SQSTM1: variants seen among roughly 807,000 people sequenced by gnomAD.
SQSTM1 encodes the protein sequestosome-1.
SQSTM1 carries 36 observed loss-of-function variants against 45.1 expected under a neutral mutation model. The ratio of observed to expected loss-of-function variants is 0.80; its 90% confidence interval spans 0.61 to 1.05. The LOEUF is 1.05. Among genes scored for constraint, SQSTM1 ranks in the 50% least tolerant of loss-of-function variants. SQSTM1 has a pLI of 0.00. For missense variants in SQSTM1, 617 were observed against 607.1 expected (o/e 1.02, Z -0.17); for synonymous variants, 290 against 244.3 (o/e 1.19, Z -1.74).
rs142719499 is a variant in SQSTM1 at position 179,825,191 on chromosome 5, T to C, written c.719T>C (p.Val240Ala). Residue 240 changes from valine (V) to alanine (A), a missense_variant, in exon 5 of 8, where the codon GTT becomes GCT. By Grantham distance (64) the Val-to-Ala change is moderately conservative (BLOSUM62 0). Transcript: ENST00000389805. The part of the protein sequence containing the change: ...EDPSVNFLKN[V>A]GESVAAALSP... ...CCGAGTGTGAATTTCCTGAAGAACGTTGGGGAGAGTGTGGCAGCTGCCCTT... is the reference window on the plus strand; with the variant it reads ...CCGAGTGTGAATTTCCTGAAGAACGCTGGGGAGAGTGTGGCAGCTGCCCTT... 1.1e-5 allele frequency: 17 copies of C among 1,613,970 alleles called. No homozygotes were observed. Among genetic ancestry groups the C allele is most frequent in the African/African-American group, 5.3e-5 (4 of 74,932 alleles).
chr5:179,811,982 T>A (rs942893001), intron 2 of SQSTM1: 3 of 152,128 alleles, frequency 2.0e-5, no homozygotes, highest in Non-Finnish European at 2.9e-5. Context: ...TTTTTTGTAT[T>A]TTTAGTAGAG....
chr5:179,817,890 T>A (rs1212571764), upstream of SQSTM1, among the ~76,000 whole-genome samples: 1 of 151,964 alleles, frequency 6.6e-6, no homozygotes, highest in African/African-American at 2.4e-5. Flanking sequence ...GCACCTGTAG[T>A]CCCAGCTACT....
In SQSTM1 at chr5:179,837,603, C is replaced by T; in HGVS notation, c.*1010C>T. The stretch of plus-strand genomic sequence containing the variant: ...GCGGCAGTGGGCCTGCTGAGGCCTT[C>T]TCTTGAGGCCTGTGCTCTGGGGGTC... On this transcript the variant is annotated 3_prime_UTR_variant, in exon 8 of 8. Transcript: ENST00000389805. The T allele has an allele frequency of 1.9e-6, 3 of 1,614,050 alleles. No individual in the cohort carries two copies. The highest frequency in any genetic ancestry group is 2.2e-5 in the East Asian group (1 of 44,888).
In SQSTM1 at chr5:179,820,906, C is replaced by A. The variant is rs751278227; in HGVS notation, c.-31C>A. ...AGCCGCGCGGCGGCTGCGACCGGGACGGCCCGTTTTCCGCCAGCTCGCCGC... is the reference window on the plus strand; with the variant it reads ...AGCCGCGCGGCGGCTGCGACCGGGAAGGCCCGTTTTCCGCCAGCTCGCCGC... On this transcript the variant is annotated 5_prime_UTR_variant, in exon 1 of 8. Transcript: ENST00000389805. 36 of 1,484,510 alleles carry A rather than the reference C, an allele frequency of 2.4e-5. 1 individual carries two copies. In the Middle Eastern group the frequency reaches 9.7e-4, roughly 40 times the overall value. The allele number at this position is 1,484,510 out of a possible 1,614,324, so 92.0% of individuals were successfully genotyped here.
intron 7 of SQSTM1, chr5:179,835,750 G>A (rs1758519072): frequency 6.2e-6 from 1 of 161,052 alleles, no homozygotes; most frequent in Non-Finnish European, 1.4e-5. Context: ...ACTCATAAGT[G>A]AGAACATATG....
rs751367242 is a variant in SQSTM1 at position 179,824,103 on chromosome 5, G to C, written c.531+16G>C. 2.5e-6 allele frequency: 4 copies of C among 1,613,742 alleles called. No individual in the cohort carries two copies. In the East Asian group the frequency reaches 6.7e-5, roughly 27 times the overall value. On this transcript the variant is annotated intron_variant, in intron 3 of 7. Coordinates refer to ENST00000389805, the MANE Select transcript of SQSTM1 (RefSeq NM_003900.5). ...CCTGTCTGAGGTGAGCAGGCCCTCT[G>C]TGCAGGCCTGGGGTGGGCTCAGGGT...
Position 179,837,855 on chromosome 5 carries a change from G to A in SQSTM1, c.*1262G>A. 6.2e-7 allele frequency: 1 copy of A among 1,609,568 alleles called. No individual in the cohort carries two copies. The highest frequency in any genetic ancestry group is 1.1e-5 in the South Asian group (1 of 91,082). On this transcript the variant is annotated 3_prime_UTR_variant, in exon 8 of 8. Coordinates refer to ENST00000389805, the MANE Select transcript of SQSTM1 (RefSeq NM_003900.5). ...TCCTGGAGGCAGGGGCTGCTGCCTTGTTTCACCTTCCATGTCAGGCCAGCC... is the reference window on the plus strand; with the variant it reads ...TCCTGGAGGCAGGGGCTGCTGCCTTATTTCACCTTCCATGTCAGGCCAGCC...
Position 179,806,554 on chromosome 5 carries a change from C to T in SQSTM1, c.-194C>T. ...AGGCGCACAGGCAGAAGAGCAGCAG[C>T]GTCAGGAAGGTGCCATTGCGGAGCC... On this transcript the variant is annotated 5_prime_UTR_variant, in exon 1 of 6. Coordinates refer to the SQSTM1 transcript ENST00000514093. The surrounding 1 kb of genome is among the most constrained non-coding windows in gnomAD (Gnocchi z 4.6). 2 of 1,320,914 alleles carry T rather than the reference C, an allele frequency of 1.5e-6. No individual in the cohort carries two copies. Among genetic ancestry groups the T allele is most frequent in the South Asian group, 1.4e-5 (1 of 69,426 alleles). The allele number at this position is 1,320,914 out of a possible 1,614,324, so 81.8% of individuals were successfully genotyped here.
rs377443582 is a variant in SQSTM1 at position 179,828,427 on chromosome 5, G to A, written c.754+3201G>A. ...TTGCTCTTGTTGTCCAGGCTGGAGT[G>A]CAATGGTGTGATCTTGGCTCACTAC... is the stretch of plus-strand genomic sequence containing the variant. On this transcript the variant is annotated intron_variant, in intron 5 of 7. Transcript: ENST00000389805. Among the ~76,000 whole-genome samples the A allele has an allele frequency of 2.9e-5, 4 of 136,102 alleles. No individual in the cohort carries two copies. In the South Asian group the frequency reaches 6.8e-4, roughly 23 times the overall value. The allele number at this position is 136,102 out of a possible 152,430, so 89.3% of individuals were successfully genotyped here.
chr5:179,816,699 G>C (rs1036435933), upstream of SQSTM1, among the ~76,000 whole-genome samples: 1 of 152,168 alleles, frequency 6.6e-6, no homozygotes, highest in Non-Finnish European at 1.5e-5. Context: ...GCGCCACTGA[G>C]AGCCTCCCGT....
chr5:179,836,781 G>A lies in SQSTM1; in HGVS notation c.*188G>A. The A allele has an allele frequency of 1.1e-6, 1 of 879,066 alleles. No homozygotes were observed. The highest frequency in any genetic ancestry group is 2.6e-5 in the East Asian group (1 of 38,368). The allele number at this position is 879,066 out of a possible 1,614,324, so 54.5% of individuals were successfully genotyped here. On this transcript the variant is annotated 3_prime_UTR_variant, in exon 8 of 8. Transcript: ENST00000389805. ...AGGGAGGGTCCCTGTGTGTGTGTGT[G>A]CTGATGTTTCCTGGGTGCCCTGGCT...
At chr5:179,828,256 G>A (rs1371431974) in intron 5 of SQSTM1, among the ~76,000 whole-genome samples, 1 of 151,840 alleles carries the variant, frequency 6.6e-6, no homozygotes, top group African/African-American at 2.4e-5. Flanking sequence ...TAATTTCTCT[G>A]ATCTGCTTAC....
upstream of SQSTM1, among the ~76,000 whole-genome samples, chr5:179,814,279 G>T (rs1757516085): frequency 1.3e-5 from 2 of 152,234 alleles, no homozygotes; most frequent in African/African-American, 2.4e-5. Context: ...GGAATGGAGG[G>T]TCAGAGGGGT....
At chr5:179,814,161 C>T (rs183819037), upstream of SQSTM1, among the ~76,000 whole-genome samples, 2 of 152,320 alleles carry the variant, frequency 1.3e-5, no homozygotes, top group East Asian at 3.9e-4. Flanking sequence ...CTCCGTTTCT[C>T]TTGCTAATTT....
intron 7 of SQSTM1, chr5:179,835,887 C>T (rs1023767881): frequency 2.4e-5 from 5 of 208,674 alleles, no homozygotes; most frequent in Admixed American, 5.3e-5. Flanking sequence ...GTATATATAC[C>T]ACATTTTCTT....
At chr5:179,826,814 T>C (rs544435082) in intron 5 of SQSTM1, among the ~76,000 whole-genome samples, 2 of 151,206 alleles carry the variant, frequency 1.3e-5, no homozygotes, top group South Asian at 2.1e-4. Flanking sequence ...TTGGCCAGGC[T>C]GATCTCGACA....
rs114397195 is a variant in SQSTM1, at chr5:179,824,600, G to A, written c.673+277G>A. Among the ~76,000 whole-genome samples, 2,626 of 152,266 alleles carry A rather than the reference G, an allele frequency of 0.017. 95 individuals carry two copies. The highest frequency in any genetic ancestry group is 0.061 in the African/African-American group (2,531 of 41,530). ...CCCTCTCAAGGTACCCTGAGGTGCA[G>A]GCAGGGAGGCCCTTCCAGCCCAGGG... On this transcript the variant is annotated intron_variant, in intron 4 of 7. Coordinates refer to ENST00000389805, the MANE Select transcript of SQSTM1 (RefSeq NM_003900.5).
At position 179,833,021 on chromosome 5, in the gene SQSTM1, TCCG is replaced by T; in HGVS notation, c.755-8_755-6del. 3.1e-6 allele frequency: 5 copies of T among 1,614,036 alleles called. No homozygotes were observed. Among genetic ancestry groups the T allele is most frequent in the Non-Finnish European group, 4.2e-6 (5 of 1,179,950 alleles). On this transcript the variant is annotated splice_polypyrimidine_tract_variant and splice_region_variant and intron_variant, in intron 5 of 7. Transcript: ENST00000389805. ...AACTTCACGGCTTGCTCTTTCCTCC[TCCG>T]CCTCTAGGCATTGAAGTTGATATCG...
intron 1 of SQSTM1, among the ~76,000 whole-genome samples, chr5:179,822,153 A>G (rs576130111): frequency 6.6e-6 from 1 of 152,216 alleles, no homozygotes; most frequent in Non-Finnish European, 1.5e-5. Flanking sequence ...GTATCTATTC[A>G]TCTTGCAATC....
Sources: gnomAD v4.1 joint callset for allele counts (sites outside exome capture counted in the v4.1 genomes callset) on GRCh38, gnomAD v4.1.1 for gene constraint, Gnocchi (gnomAD v3.1) non-coding constraint, MANE v1.5 for transcripts, NCBI Gene and HGNC (gene_info 2026-07-23, HGNC 2026-07-21) for gene names.